The following EXD1 variants were observed in gnomAD, a reference collection of about 807,000 sequenced individuals.
EXD1 encodes the protein piRNA biogenesis protein EXD1.
Under a neutral mutation model 49.1 loss-of-function variants are expected in EXD1, and 63 were observed. That is an observed-to-expected ratio of 1.28 (90% confidence interval 1.05 to 1.58). The LOEUF (loss-of-function observed/expected upper bound fraction) is 1.58. EXD1 is among the 40% of genes most tolerant of loss of function. EXD1 has a pLI of 0.00. For synonymous variants in EXD1, 234 were observed against 239.2 expected (o/e 0.98, Z 0.20); for missense variants, 748 against 666.0 (o/e 1.12, Z -1.36).
intron 11 of EXD1, among the ~76,000 whole-genome samples, chr15:41,187,203 C>T (rs2046424296): frequency 6.6e-6 from 1 of 151,288 alleles, no homozygotes; most frequent in South Asian, 2.1e-4. Flanking sequence ...AATTCTCCTG[C>T]CTCAGCCTCC....
rs150875623 is a variant in EXD1 at position 41,184,224 on chromosome 15, C to T, written c.1426G>A (p.Gly476Arg). ...TGAGTTATTCTCTGGTCCTCTGACC[C>T]CTTTGACTTTGTGCAAATGAGTTTG... is the stretch of plus-strand genomic sequence containing the variant. ...SNKLICTKSK[G>R]SEDQRITQKE... is the part of the protein sequence containing the mutation. The change falls in exon 12 of 12, where the codon GGG (glycine) becomes AGG (arginine). Residue 476 changes from glycine (G) to arginine (R), a missense_variant. Physicochemically the swap from Gly to Arg is moderately radical, Grantham distance 125 (BLOSUM62 -2). Coordinates refer to ENST00000458580, the MANE Select transcript of EXD1 (RefSeq NM_001286441.2). 12 of 1,614,170 alleles carry T rather than the reference C, an allele frequency of 7.4e-6. 1 individual carries two copies. The highest frequency in any genetic ancestry group is 2.2e-5 in the South Asian group (2 of 91,086).
intron 6 of EXD1, among the ~76,000 whole-genome samples, chr15:41,213,721 G>T (rs1314170139): frequency 6.6e-6 from 1 of 152,014 alleles, no homozygotes; most frequent in Admixed American, 6.6e-5. Context: ...CTGTTTTAGT[G>T]GTTGCCAAGG....
intron 7 of EXD1, among the ~76,000 whole-genome samples, chr15:41,207,111 G>A (rs985608772): frequency 2.7e-5 from 4 of 150,492 alleles, no homozygotes; most frequent in Non-Finnish European, 5.9e-5. Context: ...CGTGGTGGCG[G>A]GAGCCTGTAG....
At chr15:41,188,203 A>G (rs2046446219) in intron 11 of EXD1, among the ~76,000 whole-genome samples, 1 of 151,940 alleles carries the variant, frequency 6.6e-6, no homozygotes, top group Non-Finnish European at 1.5e-5. Flanking sequence ...TACTTTAAAA[A>G]TGTAAAAATT....
intron 3 of EXD1, among the ~76,000 whole-genome samples, chr15:41,217,495 C>T (rs1369037388): frequency 1.3e-5 from 2 of 151,546 alleles, no homozygotes; most frequent in Non-Finnish European, 2.9e-5. Context: ...TCCTAATGCA[C>T]CTTCCTTCAC....
Position 41,230,746 on chromosome 15 carries a change from C to T in EXD1, c.-321G>A, listed in dbSNP as rs2047230701. The T allele has an allele frequency of 1.7e-6, 1 of 586,016 alleles. No homozygotes were observed. The highest frequency in any genetic ancestry group is 2.1e-5 in the South Asian group (1 of 47,882). The allele number at this position is 586,016 out of a possible 1,614,324, so 36.3% of individuals were successfully genotyped here. A position where few individuals can be genotyped will look rare whatever the true frequency, so the allele number is the denominator to read the frequency against. On this transcript the variant is annotated 5_prime_UTR_variant, in exon 1 of 12. Coordinates refer to ENST00000458580, the MANE Select transcript of EXD1 (RefSeq NM_001286441.2). ...AGGCGACGCCCGCCCGGCCCAACGT[C>T]CAGTCTCGTCTGTTTCCCGAGGAGC...
At position 41,184,806 on chromosome 15, in the gene EXD1, C is replaced by T. The variant is rs570821985; in HGVS notation, c.1057-213G>A. ...AGTAGCTGGGACTACAGGCGCCTGC[C>T]ACCACGCCCAGCTAATTTTTTTTCT... On this transcript the variant is annotated intron_variant, in intron 11 of 11. Coordinates refer to ENST00000458580, the MANE Select transcript of EXD1 (RefSeq NM_001286441.2). Among the ~76,000 whole-genome samples the T allele has an allele frequency of 2.0e-5, 3 of 152,188 alleles. No individual in the cohort carries two copies. In the East Asian group the frequency reaches 5.8e-4, roughly 29 times the overall value.
intron 4 of EXD1, 122 bp downstream of exon 4, chr15:41,216,975 T>C: frequency 7.8e-7 from 1 of 1,278,254 alleles, no homozygotes; most frequent in Non-Finnish European, 1.1e-6. Flanking sequence ...ACCTATATAT[T>C]TCTTCTCATT....
chr15:41,209,662 A>C, intron 6 of EXD1, 75 bp from the exon 7 acceptor site: 1 of 1,272,082 alleles, frequency 7.9e-7, no homozygotes, highest in Non-Finnish European at 1.1e-6. Flanking sequence ...ATTGGCACAA[A>C]TACAATGGTC....
At chr15:41,207,809 G>C (rs564253298) in intron 7 of EXD1, among the ~76,000 whole-genome samples, 1 of 151,770 alleles carries the variant, frequency 6.6e-6, no homozygotes, top group African/African-American at 2.4e-5. Flanking sequence ...CCAGGAATTC[G>C]AGACAAGCCT....
At chr15:41,199,102 G>A (rs2046665797) in intron 7 of EXD1, among the ~76,000 whole-genome samples, 1 of 152,122 alleles carries the variant, frequency 6.6e-6, no homozygotes, top group Admixed American at 6.6e-5. Flanking sequence ...TGGGATTACA[G>A]GTGCACGCCA....
intron 1 of EXD1, among the ~76,000 whole-genome samples, chr15:41,230,082 C>CT (rs1156382525): frequency 0.37 from 44,627 of 122,180 alleles, 9,813 homozygotes; most frequent in African/African-American, 0.56. Flanking sequence ...TGGCTTTTAC[C>CT]TTTTTTTTTT....
intron 2 of EXD1, among the ~76,000 whole-genome samples, chr15:41,222,887 G>C (rs1013357107): frequency 7.4e-6 from 1 of 135,710 alleles, no homozygotes; most frequent in Non-Finnish European, 1.5e-5. Flanking sequence ...AGTGAATCAA[G>C]ATTGAGCCAC....
Position 41,182,807 on chromosome 15 carries a change from T to C in EXD1, c.*1124A>G, listed in dbSNP as rs1044278010. On this transcript the variant is annotated 3_prime_UTR_variant, in exon 12 of 12. Transcript: ENST00000458580. ...ATGTTAGCAATTTGCAAGCATTCAA[T>C]ACTTTAAAAGGCTCAATACAAGCTG... The C allele has an allele frequency of 4.6e-5, 7 of 152,206 alleles. No homozygotes were observed. Among genetic ancestry groups the C allele is most frequent in the Non-Finnish European group, 8.8e-5 (6 of 68,042 alleles). The allele number at this position is 152,206 out of a possible 1,614,324, so 9.4% of individuals were successfully genotyped here. A position where few individuals can be genotyped will look rare whatever the true frequency, so the allele number is the denominator to read the frequency against.
At position 41,183,857 on chromosome 15, in the gene EXD1, C is replaced by T; in HGVS notation, c.*74G>A. ...TTACTACATTTACAACATGAGAAAC[C>T]TGGGCACTGTGGAAAGCCCTGATGG... On this transcript the variant is annotated 3_prime_UTR_variant, in exon 12 of 12. Coordinates refer to ENST00000458580, the MANE Select transcript of EXD1 (RefSeq NM_001286441.2). 2 of 1,428,976 alleles carry T rather than the reference C, an allele frequency of 1.4e-6. No individual in the cohort carries two copies. Among genetic ancestry groups the T allele is most frequent in the Non-Finnish European group, 1.9e-6 (2 of 1,058,314 alleles). The allele number at this position is 1,428,976 out of a possible 1,614,324, so 88.5% of individuals were successfully genotyped here. A position where few individuals can be genotyped will look rare whatever the true frequency, so the allele number is the denominator to read the frequency against.
intron 3 of EXD1, among the ~76,000 whole-genome samples, chr15:41,218,418 C>T (rs987564299): frequency 7.0e-6 from 1 of 142,464 alleles, no homozygotes; most frequent in Non-Finnish European, 1.5e-5. Flanking sequence ...AACCCAGAGG[C>T]AAAGGTTGCA....
chr15:41,225,136 G>A (rs1325130845), intron 2 of EXD1, among the ~76,000 whole-genome samples: 16 of 152,184 alleles, frequency 1.1e-4, no homozygotes, highest in Admixed American at 7.2e-4. Context: ...CCTGGTTCCT[G>A]CTGGTGTCTT....
intron 6 of EXD1, among the ~76,000 whole-genome samples, chr15:41,211,402 C>T (rs764868967): frequency 1.2e-4 from 18 of 152,018 alleles, no homozygotes; most frequent in Non-Finnish European, 2.2e-4. Context: ...TGAGCCACCA[C>T]GCCTGGCCAC....
At chr15:41,187,508 GTA>G (rs1362894668) in intron 11 of EXD1, among the ~76,000 whole-genome samples, 9 of 152,272 alleles carry the variant, frequency 5.9e-5, no homozygotes, top group African/African-American at 2.2e-4. Flanking sequence ...AGAGATGACT[GTA>G]TATGTTTTAT....
Sources: allele counts gnomAD v4.1 joint callset (sites outside exome capture counted in the v4.1 genomes callset), GRCh38; gene constraint gnomAD v4.1.1; transcripts MANE v1.5; gene names NCBI Gene and HGNC (gene_info 2026-07-23, HGNC 2026-07-21).